Variants in DNAAF1 observed in about 807,000 individuals in gnomAD.
The protein encoded by DNAAF1 is dynein axonemal assembly factor 1, also known as dynein assembly factor 1, axonemal.
DNAAF1 carries 65 observed loss-of-function variants against 71.1 expected under a neutral mutation model. The observed-to-expected ratio is 0.91, with a 90% CI of 0.75 to 1.12. DNAAF1 has a LOEUF of 1.12. Among genes scored for constraint, DNAAF1 ranks in the 50% most tolerant of loss-of-function variants. DNAAF1 has a pLI of 0.00. For missense variants in DNAAF1, 1,178 were observed against 899.8 expected, an observed-to-expected ratio of 1.31 and a Z score of -3.96; for synonymous variants, 414 against 354.6, an observed-to-expected ratio of 1.17 and a Z score of -1.88.
rs2088648116 is a variant in DNAAF1, at chr16:84,176,250, C to T, written c.2016C>T (p.Leu672=). 1 of 1,613,604 alleles carries T rather than the reference C, an allele frequency of 6.2e-7. No homozygotes were observed. The highest frequency in any genetic ancestry group is 8.5e-7 in the Non-Finnish European group (1 of 1,180,044). ...PPTCQRDAAP[L]TSSGDRDSDF... ...CCTGCCAAAGAGATGCTGCACCACT[C>T]ACTTCCAGTGGAGACAGGGACAGCG... The change falls in exon 11 of 12, where the codon CTC becomes CTT. Residue 672 remains leucine (L), a synonymous_variant. Transcript: ENST00000378553.
intron 7 of DNAAF1, among the ~76,000 whole-genome samples, chr16:84,167,052 C>T (rs1370741957): frequency 6.6e-6 from 1 of 152,114 alleles, no homozygotes; most frequent in Admixed American, 6.5e-5. Context: ...CAATGCCAAC[C>T]GCGAGTCTCA....
chr16:84,164,748 G>C (rs576248246), intron 6 of DNAAF1, among the ~76,000 whole-genome samples: 1 of 152,318 alleles, frequency 6.6e-6, no homozygotes, highest in South Asian at 2.1e-4. Context: ...TTTGCGTGTG[G>C]ACATAAGTCT....
chr16:84,170,350 A>G lies in DNAAF1; in HGVS notation c.1522A>G (p.Arg508Gly). 1 of 1,613,806 alleles carries G rather than the reference A, an allele frequency of 6.2e-7. No homozygotes were observed. The highest frequency in any genetic ancestry group is 1.6e-4 in the Middle Eastern group (1 of 6,062). The change falls in exon 8 of 12, where the codon AGG (arginine) becomes GGG (glycine). Residue 508 changes from arginine (R) to glycine (G), a missense_variant. Coordinates refer to ENST00000378553, the MANE Select transcript of DNAAF1 (RefSeq NM_178452.6). ...APPPPPLGAA[R>G]EEPTPQAVAT... is the part of the protein sequence containing the mutation. ...ACCACCACCGCCCCTGGGAGCTGCC[A>G]GGGAAGGTAATGTGAGCGGAGAAAC... is the stretch of plus-strand genomic sequence containing the variant.
intron 7 of DNAAF1, among the ~76,000 whole-genome samples, chr16:84,167,590 C>T (rs1445931074): frequency 6.6e-6 from 1 of 152,154 alleles, no homozygotes; most frequent in Non-Finnish European, 1.5e-5. Context: ...GGGTTGAAGA[C>T]CAAATATTAG....
At chr16:84,151,685 A>G (rs1567537348) in intron 3 of DNAAF1, among the ~76,000 whole-genome samples, 1 of 152,220 alleles carries the variant, frequency 6.6e-6, no homozygotes. Flanking sequence ...CTCGGGAGTC[A>G]TCAGCTGGGC....
chr16:84,146,095 T>TCAAA (rs149331390), intron 1 of DNAAF1, among the ~76,000 whole-genome samples: 53 of 151,952 alleles, frequency 3.5e-4, no homozygotes, highest in Middle Eastern at 3.4e-3. Flanking sequence ...AGACTCCGTC[T>TCAAA]CAAACAAACA....
intron 1 of DNAAF1, among the ~76,000 whole-genome samples, chr16:84,145,920 A>C (rs1172001345): frequency 6.6e-6 from 1 of 152,046 alleles, no homozygotes; most frequent in African/African-American, 2.4e-5. Flanking sequence ...ACATAGTGAA[A>C]CCCTGTCTCT....
intron 8 of DNAAF1, among the ~76,000 whole-genome samples, chr16:84,171,678 C>G (rs1418461090): frequency 6.6e-6 from 1 of 152,150 alleles, no homozygotes; most frequent in Non-Finnish European, 1.5e-5. Context: ...CATCCCTTGT[C>G]ACCCTGCAGT....
At chr16:84,164,143 A>C (rs941195943) in intron 6 of DNAAF1, among the ~76,000 whole-genome samples, 4 of 152,204 alleles carry the variant, frequency 2.6e-5, no homozygotes, top group African/African-American at 9.7e-5. Flanking sequence ...TTTACTGAAA[A>C]ATTGAGCAGA....
At chr16:84,169,720 C>A (rs1367773412) in intron 7 of DNAAF1, 139 bp from the exon 8 acceptor site, 2 of 1,258,184 alleles carry the variant, frequency 1.6e-6, no homozygotes, top group Non-Finnish European at 1.1e-6. Flanking sequence ...CGCGCCCAGC[C>A]CCTTGAGGAC....
In DNAAF1 at chr16:84,172,325, G is replaced by C. The variant is rs760862192; in HGVS notation, c.1594G>C (p.Glu532Gln). ...FVTELDGTRT[E>Q]DLETIRLETK... Reference sequence around the variant, plus strand: ...TACAGAACTTGATGGAACGAGAACGGAAGATTTAGAAACCATTAGACTGGA... The same window carrying C: ...TACAGAACTTGATGGAACGAGAACGCAAGATTTAGAAACCATTAGACTGGA... Residue 532 changes from glutamate to glutamine, a missense_variant, in exon 9 of 12, where the codon GAA becomes CAA. Physicochemically the swap from Glu to Gln is conservative, Grantham distance 29. Coordinates refer to ENST00000378553, the MANE Select transcript of DNAAF1 (RefSeq NM_178452.6). The C allele has an allele frequency of 6.8e-6, 11 of 1,614,128 alleles. No individual in the cohort carries two copies. The African/African-American group carries it at 9.3e-5, about 14-fold the overall frequency.
chr16:84,158,662 C>G (rs946985319), intron 5 of DNAAF1, among the ~76,000 whole-genome samples: 2 of 152,170 alleles, frequency 1.3e-5, no homozygotes, highest in African/African-American at 2.4e-5. Context: ...ATTGCTCCCA[C>G]CACCCCACCC....
intron 7 of DNAAF1, among the ~76,000 whole-genome samples, chr16:84,168,827 T>TACAC (rs55903132): frequency 0.17 from 25,456 of 145,818 alleles, 2,326 homozygotes; most frequent in African/African-American, 0.22. Flanking sequence ...ATTTGCCACA[T>TACAC]ACACACACAC....
chr16:84,171,549 T>C (rs1298884569), intron 8 of DNAAF1, among the ~76,000 whole-genome samples: 4 of 152,212 alleles, frequency 2.6e-5, no homozygotes, highest in Admixed American at 1.3e-4. Flanking sequence ...CTCACAGTTA[T>C]GAAACTGCAC....
chr16:84,148,427 T>C (rs1335232024), intron 1 of DNAAF1, among the ~76,000 whole-genome samples: 1 of 151,848 alleles, frequency 6.6e-6, no homozygotes, highest in Non-Finnish European at 1.5e-5. Context: ...GTTAACAGTT[T>C]TTGGCTTTTA....
chr16:84,152,767 A>C (rs2151216200), intron 3 of DNAAF1, among the ~76,000 whole-genome samples: 1 of 152,254 alleles, frequency 6.6e-6, no homozygotes, highest in Admixed American at 6.5e-5. Flanking sequence ...CAACCTGGCC[A>C]ACATGGTAAA....
intron 5 of DNAAF1, among the ~76,000 whole-genome samples, chr16:84,156,792 TTTTA>T (rs1417638405): frequency 6.6e-6 from 1 of 151,902 alleles, no homozygotes; most frequent in Non-Finnish European, 1.5e-5. Context: ...TGTTTGACCC[TTTTA>T]TTTATCATTT....
intron 1 of DNAAF1, among the ~76,000 whole-genome samples, chr16:84,147,955 C>T (rs768129238): frequency 1.3e-5 from 2 of 151,990 alleles, no homozygotes; most frequent in Non-Finnish European, 2.9e-5. Context: ...GTAATCCTAG[C>T]TACTTGGGAG....
chr16:84,171,543 C>T (rs888436740), intron 8 of DNAAF1, among the ~76,000 whole-genome samples: 6 of 152,210 alleles, frequency 3.9e-5, no homozygotes, highest in East Asian at 1.9e-4. Context: ...GGCGATCTCA[C>T]AGTTATGAAA....
Sources: gnomAD v4.1 joint callset for allele counts (sites outside exome capture counted in the v4.1 genomes callset) on GRCh38, gnomAD v4.1.1 for gene constraint, MANE v1.5 for transcripts, NCBI Gene and HGNC (gene_info 2026-07-23, HGNC 2026-07-21) for gene names.